The following DAB1 variants were observed in gnomAD, a reference collection of about 807,000 sequenced individuals.
The protein encoded by DAB1 is disabled homolog 1.
In DAB1, 15 loss-of-function variants were observed where a neutral mutation model predicts 64.6. That is an observed-to-expected ratio of 0.23 (90% CI 0.16 to 0.36). The LOEUF (loss-of-function observed/expected upper bound fraction) is 0.36. Ranked by LOEUF, DAB1 falls within the 10% of genes least tolerant of loss-of-function variation. The probability of loss-of-function intolerance (pLI) is 1.00; values close to 1 mark genes in which losing one functional copy is unlikely to be tolerated. For synonymous variants in DAB1, 235 were observed against 251.9 expected (o/e 0.93, Z 0.64); for missense variants, 596 against 706.7 (o/e 0.84, Z 1.78).
chr1:57,237,822 G>A (rs1041644889), intron 2 of DAB1, among the ~76,000 whole-genome samples: 1 of 152,226 alleles, frequency 6.6e-6, no homozygotes, highest in African/African-American at 2.4e-5. Context: ...CCTATTCTGT[G>A]TAAGGAAAAT....
intron 4 of DAB1, among the ~76,000 whole-genome samples, chr1:58,257,168 C>T (rs1660951183): frequency 1.3e-5 from 2 of 152,202 alleles, no homozygotes; most frequent in South Asian, 4.1e-4. Context: ...GCACTATGTT[C>T]AGTGTGTGAT....
intron 2 of DAB1, among the ~76,000 whole-genome samples, chr1:57,184,525 C>T (rs983488609): frequency 6.6e-6 from 1 of 152,162 alleles, no homozygotes; most frequent in Non-Finnish European, 1.5e-5. Flanking sequence ...CTGGCAAACC[C>T]TCATTATCAC....
At chr1:57,638,118 AT>A (rs1296509014) in intron 7 of DAB1, among the ~76,000 whole-genome samples, 2 of 152,224 alleles carry the variant, frequency 1.3e-5, no homozygotes, top group Non-Finnish European at 2.9e-5. Context: ...ATATACCCAA[AT>A]GAGGGATGAT....
At chr1:57,546,224 T>C (rs990564135) in intron 7 of DAB1, among the ~76,000 whole-genome samples, 5 of 152,060 alleles carry the variant, frequency 3.3e-5, no homozygotes, top group African/African-American at 4.8e-5. Flanking sequence ...CAAAGAAAGA[T>C]TGAATAAACA....
intron 7 of DAB1, among the ~76,000 whole-genome samples, chr1:57,510,554 C>T (rs1415506161): frequency 1.3e-5 from 2 of 152,096 alleles, no homozygotes; most frequent in Non-Finnish European, 2.9e-5. Flanking sequence ...TATTATTTGG[C>T]TTTCTAATTG....
chr1:57,103,393 G>A (rs1158734164), intron 4 of DAB1, among the ~76,000 whole-genome samples: 1 of 152,190 alleles, frequency 6.6e-6, no homozygotes, highest in East Asian at 1.9e-4. Context: ...CTGACTGGCT[G>A]TTCTTCAACA....
chr1:58,319,673 A>C (rs1313457826), intron 4 of DAB1, among the ~76,000 whole-genome samples: 1 of 152,210 alleles, frequency 6.6e-6, no homozygotes, highest in Non-Finnish European at 1.5e-5. Context: ...CAAGGAATCA[A>C]AATTGATTTG....
rs1475138958 is a variant in DAB1, at chr1:57,691,174, C to T, written n.552-41509G>A. Among the ~76,000 whole-genome samples the T allele has an allele frequency of 2.0e-5, 3 of 152,090 alleles. No individual in the cohort carries two copies. In the East Asian group the frequency reaches 5.8e-4, roughly 29 times the overall value. On this transcript the variant is annotated intron_variant and non_coding_transcript_variant, in intron 6 of 20. Transcript: ENST00000485760. The stretch of plus-strand genomic sequence containing the variant: ...TCTAGCTAGGGGATTGTAAACCCAC[C>T]AATCAGTGCTCTGTGTCTAGCTAAA...
At chr1:58,106,194 T>C (rs966691727) in intron 5 of DAB1, among the ~76,000 whole-genome samples, 4 of 151,698 alleles carry the variant, frequency 2.6e-5, no homozygotes, top group South Asian at 4.2e-4. Flanking sequence ...CTCTCTTTCA[T>C]AGAAACTGAG....
chr1:57,023,686 G>T, intron 10 of DAB1, 47 bp from the exon 11 acceptor site: 1 of 1,270,898 alleles, frequency 7.9e-7, no homozygotes, highest in Non-Finnish European at 1.1e-6. Context: ...TGGCTTAGCA[G>T]TCATCAAGGC....
At chr1:57,594,841 G>T (rs1645487365) in intron 7 of DAB1, among the ~76,000 whole-genome samples, 1 of 152,124 alleles carries the variant, frequency 6.6e-6, no homozygotes, top group Non-Finnish European at 1.5e-5. Flanking sequence ...CTCCCGAGTA[G>T]CTGGGACTAC....
At chr1:58,090,045 AG>A (rs1290550968) in intron 5 of DAB1, among the ~76,000 whole-genome samples, 6 of 152,052 alleles carry the variant, frequency 3.9e-5, no homozygotes, top group Non-Finnish European at 8.8e-5. Flanking sequence ...CTGACATCAA[AG>A]GCAGCCAGCC....
chr1:57,483,187 T>C (rs1243925631), intron 7 of DAB1, among the ~76,000 whole-genome samples: 1 of 152,224 alleles, frequency 6.6e-6, no homozygotes. Flanking sequence ...ATAACATGTA[T>C]TTTTTATAAT....
intron 6 of DAB1, among the ~76,000 whole-genome samples, chr1:57,804,949 G>A (rs576143239): frequency 3.9e-5 from 6 of 152,296 alleles, no homozygotes; most frequent in East Asian, 1.9e-4. Flanking sequence ...ACAGCCTCTC[G>A]GGTGGAGGAA....
At chr1:57,540,955 A>C (rs1235073194) in intron 7 of DAB1, among the ~76,000 whole-genome samples, 1 of 152,172 alleles carries the variant, frequency 6.6e-6, no homozygotes, top group African/African-American at 2.4e-5. Flanking sequence ...TATATTTCAA[A>C]AATAGCTAGA....
intron 2 of DAB1, among the ~76,000 whole-genome samples, chr1:58,511,381 T>C (rs1569921261): frequency 6.6e-6 from 1 of 152,152 alleles, no homozygotes; most frequent in Admixed American, 6.5e-5. Context: ...GGTATGGTGG[T>C]TCATATCTGT....
At chr1:57,060,160 A>ATTTTATTTTATTTT (rs1399167688) in intron 9 of DAB1, among the ~76,000 whole-genome samples, 1 of 149,740 alleles carries the variant, frequency 6.7e-6, no homozygotes, top group Admixed American at 6.7e-5. Context: ...ATTTTATTTT[A>ATTTTATTTTATTTT]TTTTATTTGA....
chr1:57,608,839 C>T (rs1364624310), intron 7 of DAB1, among the ~76,000 whole-genome samples: 1 of 152,144 alleles, frequency 6.6e-6, no homozygotes, highest in Non-Finnish European at 1.5e-5. Context: ...TGGTTAAGCT[C>T]TTCTATTAAC....
intron 7 of DAB1, among the ~76,000 whole-genome samples, chr1:57,620,809 G>C (rs1013942228): frequency 3.3e-5 from 5 of 152,178 alleles, no homozygotes; most frequent in African/African-American, 1.2e-4. Context: ...CTGGAAGCAG[G>C]GGGGCAGCGC....
Sources: allele counts gnomAD v4.1 joint callset (sites outside exome capture counted in the v4.1 genomes callset), GRCh38; gene constraint gnomAD v4.1.1; transcripts MANE v1.5; gene names NCBI Gene and HGNC (gene_info 2026-07-23, HGNC 2026-07-21).